Variants in DNAH7 observed in about 807,000 individuals in gnomAD.
DNAH7 encodes the protein dynein axonemal heavy chain 7, also known as axonemal beta dynein heavy chain 7.
DNAH7 carries 397 observed loss-of-function variants against 444.6 expected under a neutral mutation model. The ratio of observed to expected loss-of-function variants is 0.89; its 90% CI spans 0.82 to 0.97. The LOEUF (loss-of-function observed/expected upper bound fraction) is 0.97, where lower values mean the gene tolerates loss of function less well. DNAH7 is among the 50% of genes least tolerant of loss of function. The pLI, the probability that DNAH7 is intolerant of heterozygous loss-of-function variation, is 0.00. For missense variants in DNAH7, 4,902 were observed against 4,800.8 expected, an observed-to-expected ratio of 1.02 and a Z score of -0.62; for synonymous variants, 1,636 against 1,624.4, an observed-to-expected ratio of 1.01 and a Z score of -0.17.
chr2:195,948,318 G>T (rs1413666251), intron 19 of DNAH7, among the ~76,000 whole-genome samples: 1 of 152,092 alleles, frequency 6.6e-6, no homozygotes, highest in African/African-American at 2.4e-5. Flanking sequence ...TGTCAATTTT[G>T]GCTTGTGTTG....
intron 47 of DNAH7, among the ~76,000 whole-genome samples, chr2:195,836,496 TAAA>T (rs200912135): frequency 1.4e-5 from 2 of 139,522 alleles, no homozygotes; most frequent in Non-Finnish European, 1.6e-5. Flanking sequence ...GACCCTGTCT[TAAA>T]AAAAAAAAAA....
Position 195,891,727 on chromosome 2 carries a change from C to G in DNAH7, c.4974G>C (p.Gln1658His). Reference sequence around the variant, plus strand: ...ACCATTCATGGGACACTGAATCAAACTGTCCGTACAGTTGGCCCATGGTGA... The same window carrying G: ...ACCATTCATGGGACACTGAATCAAAGTGTCCGTACAGTTGGCCCATGGTGA... ...KSVTMGQLYG[Q>H]FDSVSHEWSD... The change falls in exon 31 of 65, where the codon CAG becomes CAC. Residue 1658 changes from glutamine (Q) to histidine (H), a missense_variant. Coordinates refer to ENST00000312428, the MANE Select transcript of DNAH7 (RefSeq NM_018897.3). 1 of 1,609,462 alleles carries G rather than the reference C, an allele frequency of 6.2e-7. No individual in the cohort carries two copies. Among genetic ancestry groups the G allele is most frequent in the Non-Finnish European group, 8.5e-7 (1 of 1,178,048 alleles).
intron 61 of DNAH7, among the ~76,000 whole-genome samples, chr2:195,771,382 G>A (rs111853873): frequency 7.2e-5 from 11 of 151,870 alleles, no homozygotes; most frequent in Admixed American, 2.6e-4. Flanking sequence ...GCTTTATGAA[G>A]GCAAGGGCTC....
intron 12 of DNAH7, chr2:195,995,263 T>A: frequency 4.5e-6 from 2 of 442,824 alleles, no homozygotes; most frequent in Non-Finnish European, 8.8e-6. Context: ...ATGCTTTGAA[T>A]GTTGGTGATA....
At chr2:195,743,534 A>T (rs960255097) in intron 63 of DNAH7, among the ~76,000 whole-genome samples, 1 of 152,360 alleles carries the variant, frequency 6.6e-6, no homozygotes, top group Non-Finnish European at 1.5e-5. Flanking sequence ...AAACAGGAAC[A>T]TAACAAAAAT....
chr2:195,926,681 C>T (rs1688357595), intron 21 of DNAH7, 115 bp from the exon 22 acceptor site: 1 of 931,106 alleles, frequency 1.1e-6, no homozygotes. Flanking sequence ...CATTCTTAGA[C>T]ATTTATGCAA....
chr2:195,906,623 G>T (rs768742332), intron 27 of DNAH7, 36 bp downstream of exon 27: 5 of 1,586,980 alleles, frequency 3.2e-6, no homozygotes, highest in Middle Eastern at 1.7e-4. Flanking sequence ...GTAAATTATA[G>T]AGAAGAAATA....
At chr2:195,805,658 T>G (rs1464637901) in intron 54 of DNAH7, among the ~76,000 whole-genome samples, 1 of 152,174 alleles carries the variant, frequency 6.6e-6, no homozygotes, top group African/African-American at 2.4e-5. Flanking sequence ...TTTACCATTG[T>G]TGGTATAAAG....
At chr2:195,817,102 C>G (rs1047092543) in intron 50 of DNAH7, 139 bp from the exon 51 acceptor site, 2 of 629,882 alleles carry the variant, frequency 3.2e-6, no homozygotes, top group East Asian at 2.9e-5. Context: ...AATGGTGATG[C>G]CTTATAATTA....
intron 61 of DNAH7, among the ~76,000 whole-genome samples, chr2:195,758,371 T>C (rs113140842): frequency 1.7e-3 from 252 of 152,378 alleles, no homozygotes; most frequent in African/African-American, 6.0e-3. Context: ...TTTTTGTTTC[T>C]TCTTGTATCT....
chr2:195,933,577 G>A (rs1197144718), intron 21 of DNAH7, among the ~76,000 whole-genome samples: 1 of 152,060 alleles, frequency 6.6e-6, no homozygotes, highest in Admixed American at 6.6e-5. Context: ...CCATAGAAAA[G>A]GATGAGTTCA....
At chr2:195,909,042 G>A (rs1471774806) in intron 25 of DNAH7, among the ~76,000 whole-genome samples, 1 of 151,932 alleles carries the variant, frequency 6.6e-6, no homozygotes, top group Non-Finnish European at 1.5e-5. Context: ...GCATGTACAC[G>A]GACACAAAGA....
intron 37 of DNAH7, 25 bp from the exon 38 acceptor site, chr2:195,875,868 C>T (rs374574398): frequency 6.3e-7 from 1 of 1,577,330 alleles, no homozygotes; most frequent in Non-Finnish European, 8.6e-7. Flanking sequence ...AGAAGAGGTA[C>T]AGAAAATATT....
At chr2:195,776,955 T>C (rs767787400) in intron 59 of DNAH7, among the ~76,000 whole-genome samples, 2 of 152,158 alleles carry the variant, frequency 1.3e-5, no homozygotes, top group Non-Finnish European at 2.9e-5. Flanking sequence ...CAATTCATCA[T>C]TGGAGATCTT....
intron 8 of DNAH7, among the ~76,000 whole-genome samples, chr2:196,020,390 T>C (rs1695303288): frequency 6.6e-6 from 1 of 152,174 alleles, no homozygotes; most frequent in Admixed American, 6.5e-5. Context: ...TATATTGAAA[T>C]GTGCCATCTT....
chr2:195,890,319 G>A (rs1701944161), intron 31 of DNAH7, among the ~76,000 whole-genome samples: 1 of 152,090 alleles, frequency 6.6e-6, no homozygotes, highest in South Asian at 2.1e-4. Flanking sequence ...GCATCACTTT[G>A]GGAAACACTA....
chr2:195,900,162 A>T, intron 28 of DNAH7, 120 bp downstream of exon 28: 2 of 1,092,444 alleles, frequency 1.8e-6, no homozygotes, highest in Middle Eastern at 2.9e-4. Flanking sequence ...TTTTGGTTTA[A>T]TAATTGATTT....
intron 48 of DNAH7, among the ~76,000 whole-genome samples, chr2:195,830,385 T>C (rs1445414217): frequency 6.6e-6 from 1 of 152,200 alleles, no homozygotes; most frequent in African/African-American, 2.4e-5. Context: ...CATTAAATAA[T>C]GTGGTTTTTA....
chr2:195,957,283 T>C lies in DNAH7; in HGVS notation c.3056A>G (p.Asp1019Gly). Residue 1019 changes from aspartate (D) to glycine (G), a missense_variant, in exon 19 of 65, where the codon GAT becomes GGT. Transcript: ENST00000312428. ...TACCTGCATGACACTTCTCATTATA[T>C]CTCTCCATGTCTTATCCACAGCTGT... Reference protein sequence around the residue: ...RFTAVDKTWRDIMRSVMQDKH... With the variant: ...RFTAVDKTWRGIMRSVMQDKH... The C allele has an allele frequency of 6.4e-7, 1 of 1,566,478 alleles. No individual in the cohort carries two copies. The highest frequency in any genetic ancestry group is 8.7e-7 in the Non-Finnish European group (1 of 1,147,760).
Sources: gnomAD v4.1 joint callset for allele counts (sites outside exome capture counted in the v4.1 genomes callset) on GRCh38, gnomAD v4.1.1 for gene constraint, MANE v1.5 for transcripts, NCBI Gene and HGNC (gene_info 2026-07-23, HGNC 2026-07-21) for gene names.